Variants in EVI5L observed in about 807,000 individuals in gnomAD.
EVI5L encodes the protein ecotropic viral integration site 5 like, also known as EVI5-like protein.
A neutral mutation model predicts 106.1 loss-of-function variants in EVI5L; 30 were observed. The ratio of observed to expected loss-of-function variants is 0.28; its 90% confidence interval spans 0.21 to 0.38. The LOEUF (loss-of-function observed/expected upper bound fraction) is 0.38. Among genes scored for constraint, EVI5L ranks in the 10% least tolerant of loss-of-function variants. EVI5L has a pLI of 1.00. For synonymous variants in EVI5L, 489 were observed against 483.3 expected (o/e 1.01, Z -0.15); for missense variants, 809 against 1,098.0 (o/e 0.74, Z 3.72).
rs1979561157 is a variant in EVI5L, at chr19:7,857,024, CT to C, written c.1201-67del. ...GACAAGTGGTTCTTGTCTGTCTCCC[CT>C]CTCCTGTCCCCGCGCCTTCCGCTCT... is the stretch of plus-strand genomic sequence containing the variant. On this transcript the variant is annotated intron_variant, in intron 11 of 19. Transcript: ENST00000538904. The surrounding 1 kb of genome is among the most constrained non-coding windows in gnomAD (Gnocchi z 4.5). 1 of 1,519,518 alleles carries C rather than the reference CT, an allele frequency of 6.6e-7. No homozygotes were observed. Among genetic ancestry groups the C allele is most frequent in the Non-Finnish European group, 8.9e-7 (1 of 1,117,902 alleles). 94.1% of individuals were successfully genotyped at this position (1,519,518 alleles called of 1,614,324 possible). A position where few individuals can be genotyped will look rare whatever the true frequency, so the allele number is the denominator to read the frequency against.
At chr19:7,833,332 C>T (rs979688418) in intron 1 of EVI5L, among the ~76,000 whole-genome samples, 2 of 152,250 alleles carry the variant, frequency 1.3e-5, no homozygotes, top group Non-Finnish European at 2.9e-5. Context: ...CACTGGCATG[C>T]GGCGGCCCCC....
Position 7,857,236 on chromosome 19 carries a change from G to A in EVI5L, c.1233+112G>A, listed in dbSNP as rs1979571872. On this transcript the variant is annotated intron_variant, in intron 12 of 19. Transcript: ENST00000538904. The surrounding 1 kb of genome is among the most constrained non-coding windows in gnomAD (Gnocchi z 4.5). ...CTGCCATTCTGCGGGCAGGCCTGGCGCCATGCATGGAGCAGCTGGGGACCG... is the reference window on the plus strand; with the variant it reads ...CTGCCATTCTGCGGGCAGGCCTGGCACCATGCATGGAGCAGCTGGGGACCG... 1.1e-5 allele frequency: 16 copies of A among 1,425,420 alleles called. No individual in the cohort carries two copies. Among genetic ancestry groups the A allele is most frequent in the Admixed American group, 5.9e-5 (3 of 50,758 alleles). 88.3% of individuals were successfully genotyped at this position (1,425,420 alleles called of 1,614,324 possible).
chr19:7,847,927 G>A lies in EVI5L; in HGVS notation c.327+6G>A, dbSNP rs990851989. On this transcript the variant is annotated splice_donor_region_variant and intron_variant, in intron 3 of 19. Coordinates refer to ENST00000538904, the MANE Select transcript of EVI5L (RefSeq NM_001159944.3). ...GGAAGGAGAAGCTGCTCAAGGTGGG[G>A]GGCGGCCAGGCAGGCAGGGCTGGGC... The A allele has an allele frequency of 2.6e-6, 4 of 1,540,966 alleles. No homozygotes were observed. In the African/African-American group the frequency reaches 4.1e-5, roughly 16 times the overall value.
At chr19:7,861,803 T>C in intron 14 of EVI5L, 75 bp from the exon 15 acceptor site, 1 of 1,526,122 alleles carries the variant, frequency 6.6e-7, no homozygotes, top group Non-Finnish European at 8.8e-7. Flanking sequence ...GAAACGTGGC[T>C]GGGGGCGTTT....
At chr19:7,853,004 C>A (rs529831805) in intron 8 of EVI5L, 82 bp from the exon 9 acceptor site, 6 of 1,442,266 alleles carry the variant, frequency 4.2e-6, no homozygotes, top group South Asian at 3.6e-5. Context: ...TCCTGCCCCC[C>A]TCCAGGGCAA....
intron 1 of EVI5L, among the ~76,000 whole-genome samples, chr19:7,833,957 C>A (rs557764663): frequency 6.6e-6 from 1 of 152,324 alleles, no homozygotes; most frequent in East Asian, 1.9e-4. Flanking sequence ...AAGAGACTTA[C>A]CCTTTTGAGG....
chr19:7,862,541 A>AC lies in EVI5L; in HGVS notation c.1947+12dup. 6.9e-7 allele frequency: 1 copy of AC among 1,454,464 alleles called. No homozygotes were observed. The highest frequency in any genetic ancestry group is 9.1e-7 in the Non-Finnish European group (1 of 1,102,682). The allele number at this position is 1,454,464 out of a possible 1,614,324, so 90.1% of individuals were successfully genotyped here. On this transcript the variant is annotated splice_region_variant and intron_variant, in intron 17 of 19. Coordinates refer to ENST00000538904, the MANE Select transcript of EVI5L (RefSeq NM_001159944.3). The stretch of plus-strand genomic sequence containing the variant: ...GGCCGAGGCCGAGTGCAAGGTGCAG[A>AC]CCCCCGCGGCCCCGCCCTGCCCGTG...
chr19:7,863,103 G>A lies in EVI5L; in HGVS notation c.2043+36G>A. On this transcript the variant is annotated intron_variant, in intron 18 of 19. Transcript: ENST00000538904. The surrounding 1 kb of genome is among the most constrained non-coding windows in gnomAD (Gnocchi z 7.7). ...GGGCCGGGGTCGGGGGGCGGGGGCG[G>A]GGGCAGGGCCCGGGGCAGGAGCGGG... 1 of 701,136 alleles carries A rather than the reference G, an allele frequency of 1.4e-6. No individual in the cohort carries two copies. Among genetic ancestry groups the A allele is most frequent in the East Asian group, 2.8e-5 (1 of 35,628 alleles). 43.4% of individuals were successfully genotyped at this position (701,136 alleles called of 1,614,324 possible).
At chr19:7,839,941 C>T (rs1978525637) in intron 1 of EVI5L, among the ~76,000 whole-genome samples, 2 of 152,028 alleles carry the variant, frequency 1.3e-5, no homozygotes, top group Admixed American at 1.3e-4. Context: ...AGCTTCCAGC[C>T]TGGAGAGCAG....
At chr19:7,831,933 TGC>T (rs1431126354) in intron 1 of EVI5L, among the ~76,000 whole-genome samples, 2 of 152,254 alleles carry the variant, frequency 1.3e-5, no homozygotes. Context: ...GGTCGGGGCC[TGC>T]CAGAAGCAGG....
rs147538933 is a variant in EVI5L, at chr19:7,842,401, AGTGT to A, written c.-47-4088_-47-4085del. On this transcript the variant is annotated intron_variant, in intron 1 of 19. Transcript: ENST00000538904. Reference sequence around the variant, plus strand: ...GTGTGTGCATGTCTGTGAGAATGTGAGTGTGTGTGTATCAAGTGTGTGCATGTGT... The same window carrying A: ...GTGTGTGCATGTCTGTGAGAATGTGAGTGTGTATCAAGTGTGTGCATGTGT... Among the ~76,000 whole-genome samples the A allele has an allele frequency of 8.2e-3, 598 of 73,018 alleles. 2 individuals carry two copies. Among genetic ancestry groups the A allele is most frequent in the African/African-American group, 0.043 (535 of 12,520 alleles). 47.9% of individuals were successfully genotyped at this position (73,018 alleles called of 152,430 possible). A position where few individuals can be genotyped will look rare whatever the true frequency, so the allele number is the denominator to read the frequency against.
chr19:7,839,325 C>T (rs59317050), intron 1 of EVI5L, among the ~76,000 whole-genome samples: 9,940 of 151,580 alleles, frequency 0.066, 345 homozygotes, highest in Middle Eastern at 0.12. Flanking sequence ...AAATCCAAAC[C>T]GGGTCTTGGA....
At chr19:7,842,600 G>C (rs923824686) in intron 1 of EVI5L, among the ~76,000 whole-genome samples, 1 of 151,732 alleles carries the variant, frequency 6.6e-6, no homozygotes, top group African/African-American at 2.4e-5. Flanking sequence ...GTGTGAATGT[G>C]CATGGGTGTG....
At position 7,850,795 on chromosome 19, in the gene EVI5L, G is replaced by T. The variant is rs1394743488; in HGVS notation, c.754-639G>T. Among the ~76,000 whole-genome samples, 2 of 152,170 alleles carry T rather than the reference G, an allele frequency of 1.3e-5. No individual in the cohort carries two copies. The highest frequency in any genetic ancestry group is 2.4e-5 in the African/African-American group (1 of 41,440). On this transcript the variant is annotated intron_variant, in intron 6 of 19. Coordinates refer to ENST00000538904, the MANE Select transcript of EVI5L (RefSeq NM_001159944.3). This position sits in a 1 kb window ranked among gnomAD's most constrained non-coding sequence, Gnocchi z 5.4. Reference sequence around the variant, plus strand: ...CAGAGAAGGCACCACCCCACCTCAGGCTGGGTAGCAGAGCCCTCCCACAGC... The same window carrying T: ...CAGAGAAGGCACCACCCCACCTCAGTCTGGGTAGCAGAGCCCTCCCACAGC...
chr19:7,863,629 A>G lies in EVI5L; in HGVS notation c.2345A>G (p.Lys782Arg). ...RFFRRLERPAKDSEGSSDSDA... is the reference protein window; with the variant it reads ...RFFRRLERPARDSEGSSDSDA... ...TTCCGCCGTCTGGAGCGGCCGGCCA[A>G]GGACAGCGAGGGCAGCTCAGACAGC... Residue 782 changes from lysine (K) to arginine (R), a missense_variant, in exon 20 of 20, where the codon AAG becomes AGG. Lys to Arg is a conservative substitution (Grantham distance 26). Around this residue, in one of 2 missense-constraint regions of EVI5L, gnomAD observed 452 missense variants for 509.9 expected, o/e 0.89. Transcript: ENST00000538904. The surrounding 1 kb of genome is among the most constrained non-coding windows in gnomAD (Gnocchi z 7.7). 1 of 1,550,960 alleles carries G rather than the reference A, an allele frequency of 6.4e-7. No homozygotes were observed. Among genetic ancestry groups the G allele is most frequent in the Non-Finnish European group, 8.7e-7 (1 of 1,148,534 alleles).
At chr19:7,847,655 G>A (rs1979018495) in intron 2 of EVI5L, 77 bp from the exon 3 acceptor site, 1 of 1,497,116 alleles carries the variant, frequency 6.7e-7, no homozygotes, top group Non-Finnish European at 9.1e-7. Context: ...CCAGGAGGGG[G>A]AGGATGGGCT....
intron 1 of EVI5L, among the ~76,000 whole-genome samples, chr19:7,833,476 A>G (rs543983544): frequency 1.3e-5 from 2 of 152,220 alleles, no homozygotes; most frequent in Non-Finnish European, 2.9e-5. Flanking sequence ...GGAGCATGAG[A>G]CAGAATTATG....
In EVI5L at chr19:7,848,045, T is replaced by C. The variant is rs1979044442; in HGVS notation, c.327+124T>C. The C allele has an allele frequency of 1.8e-5, 19 of 1,056,992 alleles. No homozygotes were observed. In the South Asian group the frequency reaches 2.7e-4, roughly 15 times the overall value. 65.5% of individuals were successfully genotyped at this position (1,056,992 alleles called of 1,614,324 possible). ...CTGGGCACAGCGGCAGCAGTGGAGA[T>C]GTGCAGGCACTTTCAGGGTGTCCTG... On this transcript the variant is annotated intron_variant, in intron 3 of 19. Transcript: ENST00000538904. This position sits in a 1 kb window ranked among gnomAD's most constrained non-coding sequence, Gnocchi z 4.8.
intron 1 of EVI5L, among the ~76,000 whole-genome samples, chr19:7,834,387 G>A (rs547320675): frequency 1.9e-4 from 29 of 152,062 alleles, no homozygotes; most frequent in Non-Finnish European, 2.4e-4. Context: ...TGCCAGAAGG[G>A]AACCTATTAT....
Sources: allele counts gnomAD v4.1 joint callset (sites outside exome capture counted in the v4.1 genomes callset), GRCh38; gene constraint gnomAD v4.1.1; regional missense constraint gnomAD v4.1.1; non-coding constraint Gnocchi (gnomAD v3.1); transcripts MANE v1.5; gene names NCBI Gene and HGNC (gene_info 2026-07-23, HGNC 2026-07-21).